KNDC1: variants seen among roughly 807,000 people sequenced by gnomAD.
KNDC1 encodes the protein kinase non-catalytic C-lobe domain containing 1.
KNDC1 carries 106 observed loss-of-function variants against 172.8 expected under a neutral mutation model. The ratio of observed to expected loss-of-function variants is 0.61; its 90% CI spans 0.52 to 0.72. The LOEUF (loss-of-function observed/expected upper bound fraction) is 0.72. Ranked by LOEUF, KNDC1 falls within the 30% of genes least tolerant of loss-of-function variation. KNDC1 has a pLI of 0.00. For missense variants in KNDC1, 2,325 were observed against 2,394.5 expected, an observed-to-expected ratio of 0.97 and a Z score of 0.61; for synonymous variants, 1,083 against 1,062.2, an observed-to-expected ratio of 1.02 and a Z score of -0.38.
rs368066503 is a variant in KNDC1, at chr10:133,186,325, G to A, written c.977G>A (p.Arg326His). The A allele has an allele frequency of 1.9e-4, 307 of 1,612,482 alleles. No homozygotes were observed. The highest frequency in any genetic ancestry group is 2.3e-4 in the Non-Finnish European group (270 of 1,179,918). Reference sequence around the variant, plus strand: ...GCCACCCTCTGCCTGCCGCTGACCCGCGGGAAAAGCCAGCTGCCCATATCG... The same window carrying A: ...GCCACCCTCTGCCTGCCGCTGACCCACGGGAAAAGCCAGCTGCCCATATCG... ...PEATLCLPLT[R>H]GKSQLPISEL... The change falls in exon 6 of 30, where the codon CGC (arginine) becomes CAC (histidine). Residue 326 changes from arginine (R) to histidine (H), a missense_variant. Physicochemically the swap from Arg to His is conservative, Grantham distance 29. Transcript: ENST00000304613.
At chr10:133,183,784 C>T in intron 4 of KNDC1, 88 bp from the exon 5 acceptor site, 1 of 1,107,938 alleles carries the variant, frequency 9.0e-7, no homozygotes, top group South Asian at 1.5e-5. Flanking sequence ...CCCAGGTCAC[C>T]TTCAAAGGAT....
chr10:133,214,123 G>A lies in KNDC1; in HGVS notation c.4677+1G>A. ...GATTGTGACCAGCCACACCTCCAAG[G>A]TGGGCACCCTACAGTTCCGAGGCCA... On this transcript the variant is annotated splice_donor_variant, in intron 26 of 29. Coordinates refer to ENST00000304613, the MANE Select transcript of KNDC1 (RefSeq NM_152643.8). LOFTEE classifies it high-confidence loss of function. 1 of 1,613,838 alleles carries A rather than the reference G, an allele frequency of 6.2e-7. No individual in the cohort carries two copies. Among genetic ancestry groups the A allele is most frequent in the Non-Finnish European group, 8.5e-7 (1 of 1,179,960 alleles).
chr10:133,179,478 ATC>A, intron 3 of KNDC1: 1 of 152,146 alleles, frequency 6.6e-6, no homozygotes, highest in East Asian at 1.9e-4. Flanking sequence ...TGATCCAAGA[ATC>A]TCCAGCAGAG....
At chr10:133,213,821 G>A (rs1845422514) in intron 25 of KNDC1, 94 bp downstream of exon 25, 2 of 1,440,112 alleles carry the variant, frequency 1.4e-6, no homozygotes, top group Non-Finnish European at 1.9e-6. Context: ...AGCAGGAGAT[G>A]CCTGTGTCTC....
At chr10:133,204,433 G>A (rs1291630726) in intron 17 of KNDC1, among the ~76,000 whole-genome samples, 1 of 152,198 alleles carries the variant, frequency 6.6e-6, no homozygotes, top group African/African-American at 2.4e-5. Context: ...GGGTGGCAGC[G>A]GGGTCCGGAG....
At chr10:133,200,599 C>T in intron 16 of KNDC1, 139 bp downstream of exon 16, 1 of 678,158 alleles carries the variant, frequency 1.5e-6, no homozygotes, top group South Asian at 2.8e-5. Context: ...CCGGGGGTGC[C>T]CAGCCAAAGG....
At chr10:133,213,353 C>T (rs1845410073) in intron 24 of KNDC1, among the ~76,000 whole-genome samples, 1 of 152,244 alleles carries the variant, frequency 6.6e-6, no homozygotes, top group Admixed American at 6.5e-5. Flanking sequence ...CAGGTGGCCT[C>T]TTCCCAGGTC....
chr10:133,209,341 T>C lies in KNDC1; in HGVS notation c.3795-1270T>C, dbSNP rs576075567. Among the ~76,000 whole-genome samples the C allele has an allele frequency of 1.3e-5, 2 of 149,948 alleles. No individual in the cohort carries two copies. The highest frequency in any genetic ancestry group is 4.2e-4 in the South Asian group (2 of 4,710). On this transcript the variant is annotated intron_variant, in intron 20 of 29. Coordinates refer to ENST00000304613, the MANE Select transcript of KNDC1 (RefSeq NM_152643.8). This position sits in a 1 kb window ranked among gnomAD's most constrained non-coding sequence, Gnocchi z 4.9. The stretch of plus-strand genomic sequence containing the variant: ...GTGTGTGCACGTGTGTGCTGTGCGG[T>C]GTGGGGTATAGTGTGTGCACATGTG...
At position 133,212,847 on chromosome 10, in the gene KNDC1, C is replaced by G. The variant is rs757939535; in HGVS notation, c.4368C>G (p.Thr1456=). ...LEDFYGPCAK[T]SEKGPYFLTE... ...ACTTCTACGGCCCCTGCGCCAAGAC[C>G]AGTGAGAAGGGGCCCTACTTCCTGA... Residue 1456 remains threonine (T), a synonymous_variant, in exon 24 of 30, where the codon ACC becomes ACG. Transcript: ENST00000304613. 6.2e-6 allele frequency: 10 copies of G among 1,613,860 alleles called. No homozygotes were observed. The highest frequency in any genetic ancestry group is 7.6e-6 in the Non-Finnish European group (9 of 1,179,962).
At chr10:133,196,670 T>G (rs1854199761) in intron 10 of KNDC1, among the ~76,000 whole-genome samples, 1 of 152,176 alleles carries the variant, frequency 6.6e-6, no homozygotes, top group Admixed American at 6.5e-5. Flanking sequence ...TACTGAGAGC[T>G]GGGGAAGCTG....
Position 133,225,781 on chromosome 10 carries a change from A to C in KNDC1, c.*891A>C, listed in dbSNP as rs1182612212. The C allele has an allele frequency of 6.5e-6, 1 of 152,888 alleles. No individual in the cohort carries two copies. The highest frequency in any genetic ancestry group is 1.5e-5 in the Non-Finnish European group (1 of 68,486). 9.5% of individuals were successfully genotyped at this position (152,888 alleles called of 1,614,324 possible). ...CAGCCCTGCCTCCACAGCTCGCCAC[A>C]CACTCACGCTTCGCCAGAGACAGGA... On this transcript the variant is annotated 3_prime_UTR_variant, in exon 30 of 30. Coordinates refer to ENST00000304613, the MANE Select transcript of KNDC1 (RefSeq NM_152643.8).
At chr10:133,208,205 G>A (rs1390497789) in intron 20 of KNDC1, among the ~76,000 whole-genome samples, 2 of 152,122 alleles carry the variant, frequency 1.3e-5, no homozygotes, top group African/African-American at 4.8e-5. Context: ...CCCCCAGAGA[G>A]GGATGGTGGC....
At chr10:133,167,133 C>T (rs1853188941) in intron 1 of KNDC1, 1 of 548,944 alleles carries the variant, frequency 1.8e-6, no homozygotes, top group South Asian at 2.2e-5. Flanking sequence ...CGTGCCCAGG[C>T]TCCAGGAGCC....
In KNDC1 at chr10:133,199,417, C is replaced by T. The variant is rs758793378; in HGVS notation, c.2759-41C>T. 5 of 1,604,518 alleles carry T rather than the reference C, an allele frequency of 3.1e-6. No homozygotes were observed. The South Asian group carries it at 3.4e-5, about 11-fold the overall frequency. On this transcript the variant is annotated intron_variant, in intron 14 of 29. Transcript: ENST00000304613. ...CCACAAGGGAACCAGATGAGCAGCC[C>T]TGCCACCATCTCACTTGTCTCCATC...
At chr10:133,216,162 T>C (rs564651870) in intron 26 of KNDC1, among the ~76,000 whole-genome samples, 17 of 152,280 alleles carry the variant, frequency 1.1e-4, no homozygotes, top group African/African-American at 3.9e-4. Context: ...CAGTGATCAA[T>C]AAAAATGCTC....
chr10:133,197,012 C>T (rs370362828), intron 10 of KNDC1, 46 bp from the exon 11 acceptor site: 452 of 1,483,402 alleles, frequency 3.0e-4, no homozygotes, highest in Non-Finnish European at 4.1e-4. Flanking sequence ...ACGGTGCAGC[C>T]GTGGCTGAGG....
chr10:133,202,406 G>A (rs1318337853), intron 17 of KNDC1: 4 of 425,208 alleles, frequency 9.4e-6, no homozygotes, highest in Non-Finnish European at 1.9e-5. Context: ...TCCCTGGCCA[G>A]CAGGGAGAGG....
At chr10:133,205,652 C>T (rs1192588665) in intron 17 of KNDC1, among the ~76,000 whole-genome samples, 1 of 152,220 alleles carries the variant, frequency 6.6e-6, no homozygotes, top group East Asian at 1.9e-4. Context: ...CTGGAATCCG[C>T]ATCATTGGGC....
intron 3 of KNDC1, among the ~76,000 whole-genome samples, chr10:133,170,110 C>T (rs1298141286): frequency 6.6e-6 from 1 of 152,214 alleles, no homozygotes; most frequent in Non-Finnish European, 1.5e-5. Flanking sequence ...TGTGTTATCC[C>T]GTCGGGTGAA....
Sources: allele counts gnomAD v4.1 joint callset (sites outside exome capture counted in the v4.1 genomes callset), GRCh38; gene constraint gnomAD v4.1.1; non-coding constraint Gnocchi (gnomAD v3.1); transcripts MANE v1.5; gene names NCBI Gene and HGNC (gene_info 2026-07-23, HGNC 2026-07-21).